The following STK17A variants were observed in gnomAD, a reference collection of about 807,000 sequenced individuals.
STK17A encodes serine/threonine-protein kinase 17A.
STK17A carries 26 observed loss-of-function variants against 43.7 expected under a neutral mutation model. The observed-to-expected ratio is 0.60, with a 90% CI of 0.44 to 0.83. STK17A has a LOEUF of 0.83. Among genes scored for constraint, STK17A ranks in the 40% least tolerant of loss-of-function variants. STK17A has a pLI of 0.00. For missense variants in STK17A, 476 were observed against 511.6 expected, an observed-to-expected ratio of 0.93 and a Z score of 0.67; for synonymous variants, 191 against 182.5, an observed-to-expected ratio of 1.05 and a Z score of -0.38.
At chr7:43,611,763 C>A (rs557699852) in intron 3 of STK17A, among the ~76,000 whole-genome samples, 1 of 152,276 alleles carries the variant, frequency 6.6e-6, no homozygotes, top group South Asian at 2.1e-4. Context: ...CTTAACTTTG[C>A]AAAATCGTGT....
chr7:43,598,121 G>T (rs1455628226), intron 2 of STK17A, among the ~76,000 whole-genome samples: 1 of 151,950 alleles, frequency 6.6e-6, no homozygotes, highest in Non-Finnish European at 1.5e-5. Context: ...ATAACACTCA[G>T]ATATACCGAC....
intron 4 of STK17A, among the ~76,000 whole-genome samples, chr7:43,620,280 T>G (rs1424814429): frequency 6.6e-6 from 1 of 152,208 alleles, no homozygotes; most frequent in Non-Finnish European, 1.5e-5. Context: ...TTTGATAGAC[T>G]GAGGAAAATT....
chr7:43,596,990 CCT>C (rs2082520350), intron 2 of STK17A, among the ~76,000 whole-genome samples: 1 of 151,722 alleles, frequency 6.6e-6, no homozygotes, highest in Middle Eastern at 3.4e-3. Context: ...TAACAAAGAC[CCT>C]GTCTCTTTTA....
At chr7:43,596,754 G>A (rs778608716) in intron 2 of STK17A, among the ~76,000 whole-genome samples, 2 of 151,828 alleles carry the variant, frequency 1.3e-5, no homozygotes, top group Non-Finnish European at 2.9e-5. Flanking sequence ...TGTAATCCCA[G>A]CTACTCAGGA....
chr7:43,585,266 G>T lies in STK17A; in HGVS notation c.206+1817G>T, dbSNP rs752612259. Among the ~76,000 whole-genome samples the T allele has an allele frequency of 2.8e-5, 4 of 142,690 alleles. 1 individual carries two copies. The highest frequency in any genetic ancestry group is 6.3e-5 in the Non-Finnish European group (4 of 63,118). The allele number at this position is 142,690 out of a possible 152,430, so 93.6% of individuals were successfully genotyped here. ...TGGCTTCATTCCACAAGGAAAACCG[G>T]TGCAAATATTACAAAACGAATGTCT... On this transcript the variant is annotated intron_variant, in intron 1 of 6. Coordinates refer to ENST00000319357, the MANE Select transcript of STK17A (RefSeq NM_004760.3).
intron 3 of STK17A, among the ~76,000 whole-genome samples, chr7:43,612,446 G>C (rs1454807917): frequency 6.6e-6 from 1 of 152,094 alleles, no homozygotes; most frequent in Non-Finnish European, 1.5e-5. Context: ...GTTGACTCTT[G>C]GTCTCTAGAA....
chr7:43,592,103 TTCTC>T (rs2082484012), intron 1 of STK17A, among the ~76,000 whole-genome samples: 1 of 151,580 alleles, frequency 6.6e-6, no homozygotes, highest in African/African-American at 2.4e-5. Context: ...AAATTAAACT[TTCTC>T]TTCTCTTGAA....
intron 3 of STK17A, among the ~76,000 whole-genome samples, chr7:43,617,120 G>A (rs932389387): frequency 1.8e-4 from 28 of 152,064 alleles, no homozygotes; most frequent in Admixed American, 8.5e-4. Flanking sequence ...AAAGTGTCCC[G>A]TGGGACCCAG....
chr7:43,591,236 G>C (rs2082477420), intron 1 of STK17A, among the ~76,000 whole-genome samples: 1 of 151,440 alleles, frequency 6.6e-6, no homozygotes, highest in Non-Finnish European at 1.5e-5. Context: ...TGAAAGCCTT[G>C]CAAGCTGTTT....
chr7:43,586,481 G>A (rs2082440205), intron 1 of STK17A, among the ~76,000 whole-genome samples: 1 of 151,428 alleles, frequency 6.6e-6, no homozygotes, highest in Admixed American at 6.6e-5. Context: ...ATTGCTTGAA[G>A]CTTGACTGGT....
intron 3 of STK17A, among the ~76,000 whole-genome samples, chr7:43,611,662 C>G (rs980252286): frequency 2.0e-5 from 3 of 152,200 alleles, no homozygotes; most frequent in Admixed American, 6.5e-5. Flanking sequence ...TACGGACTTT[C>G]ACTGGGCTAA....
At chr7:43,596,591 G>T (rs2082517016) in intron 2 of STK17A, among the ~76,000 whole-genome samples, 1 of 152,148 alleles carries the variant, frequency 6.6e-6, no homozygotes, top group Admixed American at 6.5e-5. Flanking sequence ...TTCATACCAG[G>T]CGTGGTGACT....
At chr7:43,623,676 C>T (rs2153022451) in intron 5 of STK17A, 33 bp from the exon 6 acceptor site, 2 of 1,602,500 alleles carry the variant, frequency 1.2e-6, no homozygotes, top group Middle Eastern at 1.7e-4. Flanking sequence ...GAGTATGGTA[C>T]TAAATTTTTC....
intron 3 of STK17A, among the ~76,000 whole-genome samples, chr7:43,615,557 G>T (rs1334114075): frequency 6.6e-6 from 1 of 152,138 alleles, no homozygotes; most frequent in East Asian, 1.9e-4. Context: ...AGTCATGATG[G>T]TACATAGGTG....
chr7:43,623,501 T>C lies in STK17A; in HGVS notation c.692-71T>C, dbSNP rs914769013. On this transcript the variant is annotated intron_variant, in intron 4 of 6. Coordinates refer to ENST00000319357, the MANE Select transcript of STK17A (RefSeq NM_004760.3). ...GCCTTATAGTTTCTAATGCTTAGTT[T>C]TTTATCTCTTAGAGCAAATTAGGAA... 2.2e-6 allele frequency: 3 copies of C among 1,361,446 alleles called. No homozygotes were observed. The African/African-American group carries it at 4.4e-5, about 20-fold the overall frequency. 84.3% of individuals were successfully genotyped at this position (1,361,446 alleles called of 1,614,324 possible). A position where few individuals can be genotyped will look rare whatever the true frequency, so the allele number is the denominator to read the frequency against.
chr7:43,616,503 C>G (rs1250288424), intron 3 of STK17A, among the ~76,000 whole-genome samples: 1 of 152,150 alleles, frequency 6.6e-6, no homozygotes, highest in Non-Finnish European at 1.5e-5. Context: ...GCTGTAGATT[C>G]TTCCCGTTCT....
intron 2 of STK17A, among the ~76,000 whole-genome samples, chr7:43,607,512 G>T (rs1424750662): frequency 6.6e-6 from 1 of 151,934 alleles, no homozygotes; most frequent in African/African-American, 2.4e-5. Context: ...AGCCGGGCGT[G>T]GTGGCCCACG....
intron 1 of STK17A, among the ~76,000 whole-genome samples, chr7:43,593,713 G>A (rs1432519214): frequency 1.3e-5 from 2 of 150,462 alleles, no homozygotes; most frequent in Non-Finnish European, 3.0e-5. Context: ...AAAAAACAAT[G>A]AGGTTGTTTT....
chr7:43,594,893 A>AT (rs1554478550), intron 1 of STK17A, among the ~76,000 whole-genome samples: 7 of 147,500 alleles, frequency 4.7e-5, no homozygotes, highest in Non-Finnish European at 9.0e-5. Flanking sequence ...AAAAAAAAGA[A>AT]AGAAAGAAAA....
Sources: allele counts gnomAD v4.1 joint callset (sites outside exome capture counted in the v4.1 genomes callset), GRCh38; gene constraint gnomAD v4.1.1; transcripts MANE v1.5; gene names NCBI Gene and HGNC (gene_info 2026-07-23, HGNC 2026-07-21).